Variants in BEAN1 observed in about 807,000 individuals in gnomAD.
The protein encoded by BEAN1 is protein BEAN1.
A neutral mutation model predicts 17.7 loss-of-function variants in BEAN1; 17 were observed. The observed-to-expected ratio is 0.96, with a 90% confidence interval of 0.66 to 1.44. The LOEUF (loss-of-function observed/expected upper bound fraction) is 1.44. BEAN1 is among the 40% of genes most tolerant of loss of function. The pLI is 0.00. For missense variants in BEAN1, 359 were observed against 374.1 expected (o/e 0.96, Z 0.33); for synonymous variants, 142 against 151.8 (o/e 0.94, Z 0.47).
At chr16:66,486,475 G>A (rs1279005737), downstream of BEAN1, among the ~76,000 whole-genome samples, 9 of 152,236 alleles carry the variant, frequency 5.9e-5, no homozygotes, top group East Asian at 1.4e-3. Context: ...GGCTGGTCTT[G>A]AACTCCTGAC....
intron 2 of BEAN1, among the ~76,000 whole-genome samples, chr16:66,456,027 C>G (rs1406434014): frequency 1.3e-5 from 2 of 152,334 alleles, no homozygotes; most frequent in East Asian, 3.9e-4. Flanking sequence ...TCAACACAGG[C>G]TCTGAGCATA....
chr16:66,485,161 C>T (rs1201562100), downstream of BEAN1: 2 of 451,256 alleles, frequency 4.4e-6, no homozygotes, highest in Admixed American at 4.7e-5. Context: ...CATTGTCACA[C>T]TGGCCAAGCC....
chr16:66,475,138 A>T (rs954681530), intron 3 of BEAN1, among the ~76,000 whole-genome samples: 5 of 152,200 alleles, frequency 3.3e-5, no homozygotes, highest in Admixed American at 3.3e-4. Context: ...GGAGTCCTGG[A>T]CTATTTGGAT....
downstream of BEAN1, chr16:66,493,574 C>G: frequency 1.8e-6 from 1 of 570,640 alleles, no homozygotes; most frequent in South Asian, 2.4e-5. Context: ...AAACCAACTC[C>G]CAGGCCCAGC....
chr16:66,462,366 A>G (rs1963117498), intron 2 of BEAN1, among the ~76,000 whole-genome samples: 1 of 152,220 alleles, frequency 6.6e-6, no homozygotes, highest in South Asian at 2.1e-4. Context: ...AATAGAGAAG[A>G]AACTGAATTC....
chr16:66,449,627 AT>A (rs1962595220), intron 2 of BEAN1, among the ~76,000 whole-genome samples: 1 of 151,366 alleles, frequency 6.6e-6, no homozygotes. Flanking sequence ...AAAAAAAAAA[AT>A]CACTAATGAA....
At position 66,444,047 on chromosome 16, in the gene BEAN1, G is replaced by A. The variant is rs535165428; in HGVS notation, c.25+6346G>A. Among the ~76,000 whole-genome samples, 12 of 152,316 alleles carry A rather than the reference G, an allele frequency of 7.9e-5. No homozygotes were observed. In the South Asian group the frequency reaches 1.9e-3, roughly 24 times the overall value. On this transcript the variant is annotated intron_variant, in intron 2 of 4. Coordinates refer to ENST00000536005, the MANE Select transcript of BEAN1 (RefSeq NM_001178020.3). Reference sequence around the variant, plus strand: ...TGGCAAGAGGGCATTCAACCTGGCTGGAGGACTAAATGCAGTCTTAATAGC... The same window carrying A: ...TGGCAAGAGGGCATTCAACCTGGCTAGAGGACTAAATGCAGTCTTAATAGC...
At position 66,471,943 on chromosome 16, in the gene BEAN1, C is replaced by A. The variant is rs1272083772; in HGVS notation, c.289+2078C>A. Among the ~76,000 whole-genome samples, 2 of 152,176 alleles carry A rather than the reference C, an allele frequency of 1.3e-5. No homozygotes were observed. The highest frequency in any genetic ancestry group is 2.9e-5 in the Non-Finnish European group (2 of 68,028). ...CCAGGTCCCCAAGCCCTGGAGGATG[C>A]CGGGTAGACCCAGGATGGTCAGTCT... is the stretch of plus-strand genomic sequence containing the variant. On this transcript the variant is annotated intron_variant, in intron 3 of 4. Transcript: ENST00000536005. The surrounding 1 kb of genome is among the most constrained non-coding windows in gnomAD (Gnocchi z 4.7).
At chr16:66,476,842 A>G (rs2142455668) in intron 3 of BEAN1, among the ~76,000 whole-genome samples, 1 of 152,320 alleles carries the variant, frequency 6.6e-6, no homozygotes, top group Middle Eastern at 3.4e-3. Context: ...TTTTAGCTGC[A>G]GGACTTTTCA....
chr16:66,447,205 G>A lies in BEAN1; in HGVS notation c.25+9504G>A, dbSNP rs543009377. ...GGATGACTTGAGCCCAGGAGTTTGC[G>A]GGTGCCTTCATACCTGGGTGGCACT... On this transcript the variant is annotated intron_variant, in intron 2 of 4. Transcript: ENST00000536005. Among the ~76,000 whole-genome samples, 5 of 152,252 alleles carry A rather than the reference G, an allele frequency of 3.3e-5. No homozygotes were observed. In the South Asian group the frequency reaches 8.3e-4, roughly 25 times the overall value.
chr16:66,448,915 C>T (rs1016730168), intron 2 of BEAN1, among the ~76,000 whole-genome samples: 3 of 152,234 alleles, frequency 2.0e-5, no homozygotes, highest in Non-Finnish European at 4.4e-5. Context: ...GAGGCTAAGG[C>T]AGGAGGATTG....
chr16:66,470,428 G>A (rs1036513321), intron 3 of BEAN1, among the ~76,000 whole-genome samples: 2 of 151,988 alleles, frequency 1.3e-5, no homozygotes, highest in Admixed American at 6.6e-5. Context: ...AGAAAATGGA[G>A]GGATGGATAG....
chr16:66,438,926 G>C (rs1343196754), intron 2 of BEAN1, among the ~76,000 whole-genome samples: 1 of 152,124 alleles, frequency 6.6e-6, no homozygotes, highest in African/African-American at 2.4e-5. Context: ...CTCAGAGGGG[G>C]ACACTTTCCC....
At chr16:66,470,792 T>C (rs775867865) in intron 3 of BEAN1, among the ~76,000 whole-genome samples, 2 of 152,198 alleles carry the variant, frequency 1.3e-5, no homozygotes, top group Non-Finnish European at 2.9e-5. Context: ...GGGCCAGCTG[T>C]CTAAGGCAGC....
chr16:66,480,082 AG>A (rs1251720027), intron 4 of BEAN1, among the ~76,000 whole-genome samples: 12 of 152,046 alleles, frequency 7.9e-5, no homozygotes, highest in Non-Finnish European at 1.8e-4. Flanking sequence ...CCCCTGCCCC[AG>A]GGGCTCGAGC....
In BEAN1 at chr16:66,467,490, C is replaced by T. The variant is rs545454494; in HGVS notation, c.26-2112C>T. Reference sequence around the variant, plus strand: ...ATCTCATGAGACTCACTCATTATCACGAGAACAGCATGGGAGAAACTGCCC... The same window carrying T: ...ATCTCATGAGACTCACTCATTATCATGAGAACAGCATGGGAGAAACTGCCC... On this transcript the variant is annotated intron_variant, in intron 2 of 4. Transcript: ENST00000536005. Among the ~76,000 whole-genome samples, 129 of 152,226 alleles carry T rather than the reference C, an allele frequency of 8.5e-4. 3 individuals carry two copies. The highest frequency in any genetic ancestry group is 3.9e-4 in the East Asian group (2 of 5,174).
rs1160804907 is a variant in BEAN1 at position 66,469,752 on chromosome 16, T to G, written c.176T>G (p.Ile59Ser). 7.8e-6 allele frequency: 12 copies of G among 1,535,900 alleles called. No individual in the cohort carries two copies. The highest frequency in any genetic ancestry group is 3.9e-5 in the Admixed American group (2 of 50,968). Reference protein sequence around the residue: ...LSCITIIVGSIRRDRQARLQR... With the variant: ...LSCITIIVGSSRRDRQARLQR... ...TGCATCACCATCATTGTGGGCAGCA[T>G]CCGCAGGGACAGGCAGGCCCGGCTT... Residue 59 changes from isoleucine (I) to serine (S), a missense_variant, in exon 3 of 5, where the codon ATC becomes AGC. Transcript: ENST00000536005.
At chr16:66,461,857 TG>T (rs762275548) in intron 2 of BEAN1, among the ~76,000 whole-genome samples, 4 of 152,266 alleles carry the variant, frequency 2.6e-5, no homozygotes, top group South Asian at 4.1e-4. Context: ...AGTCCTGCCC[TG>T]GGCTCTGAAG....
chr16:66,466,066 G>A (rs576793534), intron 2 of BEAN1, among the ~76,000 whole-genome samples: 9 of 152,236 alleles, frequency 5.9e-5, no homozygotes, highest in East Asian at 3.9e-4. Flanking sequence ...CACCCACCTC[G>A]GCCTCCCAAA....
Sources: allele counts gnomAD v4.1 joint callset (sites outside exome capture counted in the v4.1 genomes callset), GRCh38; gene constraint gnomAD v4.1.1; non-coding constraint Gnocchi (gnomAD v3.1); transcripts MANE v1.5; gene names NCBI Gene and HGNC (gene_info 2026-07-23, HGNC 2026-07-21).